Variants in CCDC190 observed in about 807,000 individuals in gnomAD.
CCDC190 encodes the protein coiled-coil domain-containing protein 190.
In CCDC190, 10 loss-of-function variants were observed where a neutral mutation model predicts 13.1. That is an observed-to-expected ratio of 0.77 (90% CI 0.47 to 1.30). The LOEUF (loss-of-function observed/expected upper bound fraction) is 1.30. Ranked by LOEUF, CCDC190 falls within the 50% of genes most tolerant of loss-of-function variation. The pLI, the probability that CCDC190 is intolerant of heterozygous loss-of-function variation, is 0.00. For missense variants in CCDC190, 375 were observed against 354.3 expected, an observed-to-expected ratio of 1.06 and a Z score of -0.47; for synonymous variants, 136 against 127.2, an observed-to-expected ratio of 1.07 and a Z score of -0.47.
At chr1:162,859,066 A>T (rs888900479) in intron 2 of CCDC190, among the ~76,000 whole-genome samples, 1 of 152,204 alleles carries the variant, frequency 6.6e-6, no homozygotes. Context: ...GTAACTGCTC[A>T]ATAAATTGTT....
chr1:162,857,509 C>T (rs988658325), intron 2 of CCDC190, among the ~76,000 whole-genome samples: 2 of 152,154 alleles, frequency 1.3e-5, no homozygotes, highest in East Asian at 3.9e-4. Flanking sequence ...TGTCACATGC[C>T]TGCAGTACTG....
Position 162,855,252 on chromosome 1 carries a change from A to T in CCDC190, c.419T>A (p.Leu140His). The T allele has an allele frequency of 6.2e-7, 1 of 1,613,898 alleles. No homozygotes were observed. Among genetic ancestry groups the T allele is most frequent in the Non-Finnish European group, 8.5e-7 (1 of 1,179,868 alleles). ...KDPMKSKKQPLSQNNRTACFI... is the reference protein window; with the variant it reads ...KDPMKSKKQPHSQNNRTACFI... ...GCAGGCAGTTCTGTTATTTTGAGAG[A>T]GTGGCTGCTTTTTGCTCTTCATGGG... Residue 140 changes from leucine (L) to histidine (H), a missense_variant, in exon 4 of 4, where the codon CTC becomes CAC. Coordinates refer to ENST00000367912, the MANE Select transcript of CCDC190 (RefSeq NM_001394065.1).
In CCDC190 at chr1:162,859,467, CA is replaced by C. The variant is rs779155618; in HGVS notation, c.179del (p.Leu60CysfsTer6). 1 of 1,612,902 alleles carries C rather than the reference CA, an allele frequency of 6.2e-7. No homozygotes were observed. Among genetic ancestry groups the C allele is most frequent in the East Asian group, 2.2e-5 (1 of 44,854 alleles). On this transcript the variant is annotated frameshift_variant, in exon 2 of 4. Coordinates refer to ENST00000367912, the MANE Select transcript of CCDC190 (RefSeq NM_001394065.1). LOFTEE classifies it high-confidence loss of function. Reference sequence around the variant, plus strand: ...CAGTCCTGAAAGTCTTACCTTGCTGCAACCTCTGCAGTTCTTTTTGGAGCTG... The same window carrying C: ...CAGTCCTGAAAGTCTTACCTTGCTGCACCTCTGCAGTTCTTTTTGGAGCTG... ...QRQLQKELQR[L>X]QQETMKKKFS... is the part of the protein sequence containing the mutation.
At position 162,854,861 on chromosome 1, in the gene CCDC190, A is replaced by G; in HGVS notation, c.810T>C (p.Leu270=). ...CATGCCCAAATATCTCTCCAATGCT[A>G]AGCAACCTCTCAGACTCAGGGGGGA... ...HRVPPESERL[L]SIGEIFGHGE... The change falls in exon 4 of 4, where the codon CTT becomes CTC. Residue 270 remains leucine, a synonymous_variant. Transcript: ENST00000367912. The G allele has an allele frequency of 6.2e-7, 1 of 1,614,000 alleles. No homozygotes were observed. Among genetic ancestry groups the G allele is most frequent in the Non-Finnish European group, 8.5e-7 (1 of 1,179,878 alleles).
upstream of CCDC190, among the ~76,000 whole-genome samples, chr1:162,863,356 T>C (rs1650586045): frequency 6.6e-6 from 1 of 152,202 alleles, no homozygotes; most frequent in Non-Finnish European, 1.5e-5. Flanking sequence ...CTGATAGAAT[T>C]GAATGAAATG....
In CCDC190 at chr1:162,859,471, C is replaced by T. The variant is rs777326513; in HGVS notation, c.176G>A (p.Arg59Lys). The change falls in exon 2 of 4, where the codon AGG (arginine) becomes AAG (lysine). Residue 59 changes from arginine (R) to lysine (K), a missense_variant. Arg to Lys is a conservative substitution (Grantham distance 26). Coordinates refer to ENST00000367912, the MANE Select transcript of CCDC190 (RefSeq NM_001394065.1). ...EQRQLQKELQ[R>K]LQQETMKKKF... ...CCTGAAAGTCTTACCTTGCTGCAACCTCTGCAGTTCTTTTTGGAGCTGCCT... is the reference window on the plus strand; with the variant it reads ...CCTGAAAGTCTTACCTTGCTGCAACTTCTGCAGTTCTTTTTGGAGCTGCCT... 8 of 1,613,110 alleles carry T rather than the reference C, an allele frequency of 5.0e-6. No homozygotes were observed. The African/African-American group carries it at 5.3e-5, about 11-fold the overall frequency.
chr1:162,855,481 G>C (rs1003274337), intron 3 of CCDC190, 122 bp from the exon 4 acceptor site: 74 of 1,456,150 alleles, frequency 5.1e-5, no homozygotes, highest in Non-Finnish European at 6.8e-5. Flanking sequence ...GTGGGAATGG[G>C]GTGGAGGGTG....
chr1:162,854,545 TA>T lies in CCDC190; in HGVS notation c.*219del. 7.5e-7 allele frequency: 1 copy of T among 1,340,348 alleles called. No homozygotes were observed. The highest frequency in any genetic ancestry group is 9.5e-7 in the Non-Finnish European group (1 of 1,047,586). The allele number at this position is 1,340,348 out of a possible 1,614,324, so 83.0% of individuals were successfully genotyped here. The stretch of plus-strand genomic sequence containing the variant: ...TTGATGACATCATAAACATATCACT[TA>T]AAATATTTTCAGAAGATTCATTCTT... On this transcript the variant is annotated 3_prime_UTR_variant, in exon 4 of 4. Coordinates refer to ENST00000367912, the MANE Select transcript of CCDC190 (RefSeq NM_001394065.1).
Position 162,859,580 on chromosome 1 carries a change from G to A in CCDC190, c.67C>T (p.Gln23Ter). ...HFDLERKNAK[Q>*]AEARLDQRLQ... is the part of the protein sequence containing the mutation. Reference sequence around the variant, plus strand: ...CTTTGGTCCAGTCTGGCTTCAGCCTGCTTGGCATTCTTCCTCTCCAAATCA... The same window carrying A: ...CTTTGGTCCAGTCTGGCTTCAGCCTACTTGGCATTCTTCCTCTCCAAATCA... Residue 23 changes from glutamine (Q) to a stop codon, truncating the protein, a stop_gained, in exon 2 of 4, where the codon CAG becomes TAG. Transcript: ENST00000367912. LOFTEE classifies it high-confidence loss of function. 6.2e-7 allele frequency: 1 copy of A among 1,613,952 alleles called. No individual in the cohort carries two copies. Among genetic ancestry groups the A allele is most frequent in the Non-Finnish European group, 8.5e-7 (1 of 1,179,876 alleles).
chr1:162,856,239 G>A (rs925317525), intron 2 of CCDC190, among the ~76,000 whole-genome samples: 2 of 152,170 alleles, frequency 1.3e-5, no homozygotes, highest in African/African-American at 4.8e-5. Context: ...GAACCAATGT[G>A]TATAAACCTT....
chr1:162,865,980 T>C (rs1024474928), upstream of CCDC190, among the ~76,000 whole-genome samples: 1 of 152,096 alleles, frequency 6.6e-6, no homozygotes, highest in African/African-American at 2.4e-5. Context: ...GTGGAGAAAA[T>C]AGTAAGGCAC....
intron 2 of CCDC190, 153 bp from the exon 3 acceptor site, chr1:162,855,908 G>T: frequency 1.6e-6 from 1 of 625,522 alleles, no homozygotes; most frequent in South Asian, 2.0e-5. Flanking sequence ...CATTAGGGTG[G>T]GTACTAATCC....
upstream of CCDC190, among the ~76,000 whole-genome samples, chr1:162,863,225 C>G (rs1465554274): frequency 6.6e-6 from 1 of 152,008 alleles, no homozygotes; most frequent in Non-Finnish European, 1.5e-5. Context: ...GGAGTCACAC[C>G]CTTTTGTAGT....
rs990996485 is a variant in CCDC190, at chr1:162,860,932, T to TA, written c.-13+75dup. 6.2e-5 allele frequency: 37 copies of TA among 597,180 alleles called. No homozygotes were observed. In the African/African-American group the frequency reaches 7.4e-4, roughly 12 times the overall value. 37.0% of individuals were successfully genotyped at this position (597,180 alleles called of 1,614,324 possible). A position where few individuals can be genotyped will look rare whatever the true frequency, so the allele number is the denominator to read the frequency against. Reference sequence around the variant, plus strand: ...ATAAGGTCAGGACATGGGAAAGAAATACATTTTAAGGCACTTGTTTTAGAG... The same window carrying TA: ...ATAAGGTCAGGACATGGGAAAGAAATAACATTTTAAGGCACTTGTTTTAGAG... On this transcript the variant is annotated intron_variant, in intron 1 of 3. Transcript: ENST00000367912.
chr1:162,866,203 G>A (rs781475626), intron 1 of CCDC190, among the ~76,000 whole-genome samples: 3 of 152,192 alleles, frequency 2.0e-5, no homozygotes, highest in Non-Finnish European at 4.4e-5. Context: ...GCTCATGCCT[G>A]TAATCCCACC....
chr1:162,855,348 G>T lies in CCDC190; in HGVS notation c.323C>A (p.Thr108Asn). 1 of 1,602,430 alleles carries T rather than the reference G, an allele frequency of 6.2e-7. No homozygotes were observed. Among genetic ancestry groups the T allele is most frequent in the South Asian group, 1.1e-5 (1 of 90,372 alleles). Residue 108 changes from threonine to asparagine, a missense_variant, in exon 4 of 4, where the codon ACC becomes AAC. Transcript: ENST00000367912. ...TTTGCATGTGTCTTGGGCCATACGG[G>T]TTGCCAATGCTCTGAGAAAGGACAT... is the stretch of plus-strand genomic sequence containing the variant. ...PQAKKMRALA[T>N]RMAQDTCKSK...
chr1:162,857,419 TGATTG>T (rs60384112), intron 2 of CCDC190, among the ~76,000 whole-genome samples: 1 of 152,202 alleles, frequency 6.6e-6, no homozygotes, highest in African/African-American at 2.4e-5. Flanking sequence ...AAGCCATTCA[TGATTG>T]GATTGGATTG....
Position 162,852,932 on chromosome 1 carries a change from G to T in CCDC190, c.*1833C>A. The T allele has an allele frequency of 1.7e-6, 1 of 591,112 alleles. No individual in the cohort carries two copies. The allele number at this position is 591,112 out of a possible 1,614,324, so 36.6% of individuals were successfully genotyped here. A position where few individuals can be genotyped will look rare whatever the true frequency, so the allele number is the denominator to read the frequency against. On this transcript the variant is annotated 3_prime_UTR_variant, in exon 4 of 4. Coordinates refer to ENST00000367912, the MANE Select transcript of CCDC190 (RefSeq NM_001394065.1). Reference sequence around the variant, plus strand: ...ACAAGAAGAAAGAACTTTTAGGAAAGAGCTTGCGCAGTTTACAAAGGGGTT... The same window carrying T: ...ACAAGAAGAAAGAACTTTTAGGAAATAGCTTGCGCAGTTTACAAAGGGGTT...
At position 162,853,340 on chromosome 1, in the gene CCDC190, G is replaced by GATAAAGAAAACTATTTT. The variant is rs1650177071; in HGVS notation, c.*1408_*1424dup. ...TCTATTTCCTTATCTGTAAAATGGG[G>GATAAAGAAAACTATTTT]ATAAAGAAAACTATTTTGCAAAGAA... On this transcript the variant is annotated 3_prime_UTR_variant, in exon 4 of 4. Coordinates refer to ENST00000367912, the MANE Select transcript of CCDC190 (RefSeq NM_001394065.1). 1.3e-5 allele frequency among the ~76,000 whole-genome samples: 2 copies of GATAAAGAAAACTATTTT among 152,172 alleles called. No individual in the cohort carries two copies. Among genetic ancestry groups the GATAAAGAAAACTATTTT allele is most frequent in the Non-Finnish European group, 2.9e-5 (2 of 68,046 alleles).
Sources: allele counts gnomAD v4.1 joint callset (sites outside exome capture counted in the v4.1 genomes callset), GRCh38; gene constraint gnomAD v4.1.1; transcripts MANE v1.5; gene names NCBI Gene and HGNC (gene_info 2026-07-23, HGNC 2026-07-21).